Variants in MUC6 observed in about 807,000 individuals in gnomAD.
The protein encoded by MUC6 is mucin-6.
MUC6 carries 188 observed loss-of-function variants against 201.5 expected under a neutral mutation model. The observed-to-expected ratio is 0.93, with a 90% CI of 0.83 to 1.05. The LOEUF (loss-of-function observed/expected upper bound fraction) is 1.05, where lower values mean the gene tolerates loss of function less well. Among genes scored for constraint, MUC6 ranks in the 50% least tolerant of loss-of-function variants. The pLI is 0.00. For synonymous variants in MUC6, 1,228 were observed against 1,389.4 expected (o/e 0.88, Z 2.58); for missense variants, 2,706 against 3,256.9 (o/e 0.83, Z 4.12).
chr11:1,019,195 T>G, intron 30 of MUC6, 80 bp downstream of exon 30: 1 of 1,457,920 alleles, frequency 6.9e-7, no homozygotes. Context: ...GTCTTCTTTA[T>G]GGCTGAATCA....
Position 1,030,605 on chromosome 11 carries a change from G to A in MUC6, c.860C>T (p.Pro287Leu), listed in dbSNP as rs952528294. The A allele has an allele frequency of 1.2e-5, 19 of 1,531,922 alleles. No homozygotes were observed. The highest frequency in any genetic ancestry group is 1.6e-5 in the Non-Finnish European group (18 of 1,139,104). 94.9% of individuals were successfully genotyped at this position (1,531,922 alleles called of 1,614,324 possible). The part of the protein sequence containing the change: ...YSRQCSMVGQ[P>L]VRRWRSPGLC... ...GCCGGGGCTCCGCCAGCGGCGGACC[G>A]GCTGGCCCACCATGCTGCACTGGCG... Residue 287 changes from proline to leucine, a missense_variant, in exon 7 of 33, where the codon CCG becomes CTG. Pro to Leu is a moderately conservative substitution (Grantham distance 98, BLOSUM62 -3). Coordinates refer to ENST00000421673, the MANE Select transcript of MUC6 (RefSeq NM_005961.3).
chr11:1,022,834 TGAA>T (rs1414569013), intron 26 of MUC6, among the ~76,000 whole-genome samples: 1 of 150,922 alleles, frequency 6.6e-6, no homozygotes, highest in Non-Finnish European at 1.5e-5. Context: ...TAAGCAAACA[TGAA>T]TGAATGAATG....
intron 16 of MUC6, 51 bp downstream of exon 16, chr11:1,027,634 C>T: frequency 2.5e-6 from 4 of 1,575,980 alleles, no homozygotes; most frequent in Non-Finnish European, 3.4e-6. Flanking sequence ...AGGACACCCC[C>T]TCGTGAGCCC....
intron 1 of MUC6, among the ~76,000 whole-genome samples, chr11:1,034,048 C>T (rs997347861): frequency 6.6e-6 from 1 of 152,194 alleles, no homozygotes; most frequent in Non-Finnish European, 1.5e-5. Context: ...CTTGATGCTG[C>T]CCCCATTACC....
chr11:1,016,028 G>T lies in MUC6; in HGVS notation c.6773C>A (p.Thr2258Asn), dbSNP rs1856598071. ...FPSTPRTTAS[T>N]HTAPAFSSQS... Reference sequence around the variant, plus strand: ...AGAGGAGAAGGCAGGGGCGGTGTGGGTGCTGGCCGTGGTCCTGGGCGTGGA... The same window carrying T: ...AGAGGAGAAGGCAGGGGCGGTGTGGTTGCTGGCCGTGGTCCTGGGCGTGGA... The change falls in exon 31 of 33, where the codon ACC becomes AAC. Residue 2258 changes from threonine (T) to asparagine (N), a missense_variant. Transcript: ENST00000421673. The T allele has an allele frequency of 2.5e-6, 4 of 1,609,920 alleles. No individual in the cohort carries two copies. The highest frequency in any genetic ancestry group is 3.4e-6 in the Non-Finnish European group (4 of 1,177,250).
At chr11:1,026,909 G>A (rs1856972997) in intron 19 of MUC6, 32 bp downstream of exon 19, 4 of 1,514,542 alleles carry the variant, frequency 2.6e-6, no homozygotes, top group Non-Finnish European at 3.6e-6. Flanking sequence ...TGGGGCCCGG[G>A]CATTGTCCCT....
chr11:1,031,089 G>C lies in MUC6; in HGVS notation c.575-33C>G, dbSNP rs373033946. ...GCAGAATGGGGGTCAGCACCGTGGG[G>C]GCTGGGCCTCAGAGGCCCCCCTGCC... On this transcript the variant is annotated intron_variant, in intron 5 of 32. Transcript: ENST00000421673. The C allele has an allele frequency of 1.2e-5, 18 of 1,545,878 alleles. No individual in the cohort carries two copies. In the African/African-American group the frequency reaches 1.2e-4, roughly 11 times the overall value.
At position 1,033,148 on chromosome 11, in the gene MUC6, G is replaced by C; in HGVS notation, c.53-73C>G. On this transcript the variant is annotated intron_variant, in intron 1 of 32. Coordinates refer to ENST00000421673, the MANE Select transcript of MUC6 (RefSeq NM_005961.3). The surrounding 1 kb of genome is among the most constrained non-coding windows in gnomAD (Gnocchi z 5.6). ...TGAGGGCGCCGCTCACCTCTGCTCA[G>C]GGCTGCTCCGCCCGTTTCCCTGCAC... 6.9e-7 allele frequency: 1 copy of C among 1,446,390 alleles called. No homozygotes were observed. The allele number at this position is 1,446,390 out of a possible 1,614,324, so 89.6% of individuals were successfully genotyped here.
Position 1,033,047 on chromosome 11 carries a change from T to C in MUC6, c.81A>G (p.Pro27=). ...GAGAGTCCTTCAGCCTCTGGAGGCCTGGGCTGGTGTAGGAGGTGTTAGCCA... is the reference window on the plus strand; with the variant it reads ...GAGAGTCCTTCAGCCTCTGGAGGCCCGGGCTGGTGTAGGAGGTGTTAGCCA... ...AGLANTSYTS[P]GLQRLKDSPQ... is the part of the protein sequence containing the mutation. Residue 27 remains proline, a synonymous_variant, in exon 2 of 33, where the codon CCA becomes CCG. Coordinates refer to ENST00000421673, the MANE Select transcript of MUC6 (RefSeq NM_005961.3). The surrounding 1 kb of genome is among the most constrained non-coding windows in gnomAD (Gnocchi z 5.6). 4 of 1,609,852 alleles carry C rather than the reference T, an allele frequency of 2.5e-6. No individual in the cohort carries two copies. The highest frequency in any genetic ancestry group is 3.4e-6 in the Non-Finnish European group (4 of 1,176,650).
At position 1,028,698 on chromosome 11, in the gene MUC6, G is replaced by A. The variant is rs1857026013; in HGVS notation, c.1539C>T (p.Pro513=). The A allele has an allele frequency of 5.6e-6, 9 of 1,611,358 alleles. No individual in the cohort carries two copies. Among genetic ancestry groups the A allele is most frequent in the African/African-American group, 1.3e-5 (1 of 74,920 alleles). ...FGLELVVQLR[P]IFQAYVTVGP... is the part of the protein sequence containing the mutation. The stretch of plus-strand genomic sequence containing the variant: ...CAACAGTGACATAGGCCTGGAAGAT[G>A]GGGCGCAGCTGGACCACGAGCTCCA... Residue 513 remains proline (P), a synonymous_variant, in exon 13 of 33, where the codon CCC becomes CCT. Transcript: ENST00000421673.
At chr11:1,018,852 T>G (rs1856745239) in intron 30 of MUC6, 82 bp from the exon 31 acceptor site, 1 of 1,495,198 alleles carries the variant, frequency 6.7e-7, no homozygotes, top group African/African-American at 1.4e-5. Flanking sequence ...TTTGTCTATG[T>G]GACCTTTTTC....
At position 1,013,880 on chromosome 11, in the gene MUC6, C is replaced by T; in HGVS notation, c.7142+19G>A. ...GCACCTTGGTGGACGTGGGGCAGGC[C>T]TCCCACCTGTGGACTCACCTGGCAG... On this transcript the variant is annotated intron_variant, in intron 32 of 32. Coordinates refer to ENST00000421673, the MANE Select transcript of MUC6 (RefSeq NM_005961.3). The T allele has an allele frequency of 6.3e-7, 1 of 1,591,940 alleles. No homozygotes were observed. The highest frequency in any genetic ancestry group is 8.5e-7 in the Non-Finnish European group (1 of 1,170,822).
chr11:1,013,969 TCTC>T lies in MUC6; in HGVS notation c.7069_7071del (p.Glu2357del), dbSNP rs766760246. 33 of 1,609,044 alleles carry T rather than the reference TCTC, an allele frequency of 2.1e-5. No individual in the cohort carries two copies. The highest frequency in any genetic ancestry group is 1.7e-4 in the Middle Eastern group (1 of 6,056). ...TTCGCCATGCACCCCTTGAACGTGA[TCTC>T]CTCCTGCTGCTCCCGCACACTGCAG... On this transcript the variant is annotated inframe_deletion, in exon 32 of 33. Transcript: ENST00000421673.
intron 29 of MUC6, 112 bp from the exon 30 acceptor site, chr11:1,019,608 C>T (rs1421115381): frequency 1.0e-6 from 1 of 984,082 alleles, no homozygotes; most frequent in Non-Finnish European, 1.6e-6. Flanking sequence ...GTCCGGGACT[C>T]AGCCTCCTTG....
At position 1,013,504 on chromosome 11, in the gene MUC6, C is replaced by T. The variant is rs1385839135; in HGVS notation, c.7272G>A (p.Leu2424=). The part of the protein sequence containing the change: ...STPGRRLVLT[L]QVFSHCVCSS... ...TGCACACGCAGTGGCTGAACACCTGCAGGGTGAGTACGAGCCGCCGGCCAG... is the reference window on the plus strand; with the variant it reads ...TGCACACGCAGTGGCTGAACACCTGTAGGGTGAGTACGAGCCGCCGGCCAG... Residue 2424 remains leucine (L), a synonymous_variant, in exon 33 of 33, where the codon CTG becomes CTA. Transcript: ENST00000421673. The T allele has an allele frequency of 1.9e-6, 3 of 1,583,508 alleles. No homozygotes were observed. The highest frequency in any genetic ancestry group is 2.6e-6 in the Non-Finnish European group (3 of 1,166,522).
At chr11:1,022,294 C>T (rs1404310071) in intron 26 of MUC6, among the ~76,000 whole-genome samples, 2 of 148,840 alleles carry the variant, frequency 1.3e-5, no homozygotes, top group Non-Finnish European at 3.0e-5. Flanking sequence ...TCTACAGCCC[C>T]GCGCCCCTCA....
At chr11:1,019,540 G>T in intron 29 of MUC6, 44 bp from the exon 30 acceptor site, 2 of 1,543,598 alleles carry the variant, frequency 1.3e-6, no homozygotes, top group Non-Finnish European at 8.9e-7. Context: ...CTGTGGGCCT[G>T]CATTTCGAAG....
chr11:1,031,161 C>G lies in MUC6; in HGVS notation c.574+8G>C. 1 of 1,547,848 alleles carries G rather than the reference C, an allele frequency of 6.5e-7. No individual in the cohort carries two copies. The highest frequency in any genetic ancestry group is 2.5e-5 in the East Asian group (1 of 40,700). ...CCCCAGAGGCCCCCCAGCCCTGCCC[C>G]CACCTACCCTCCTCACTGACAAACT... On this transcript the variant is annotated splice_region_variant and intron_variant, in intron 5 of 32. Transcript: ENST00000421673.
chr11:1,029,622 G>A lies in MUC6; in HGVS notation c.1016-7C>T. ...AGGTCATTCAGGACCGTACCTGCAG[G>A]AGAGGGTCTTCTTGGGGCTTGGGTG... On this transcript the variant is annotated splice_region_variant and splice_polypyrimidine_tract_variant and intron_variant, in intron 8 of 32. Coordinates refer to ENST00000421673, the MANE Select transcript of MUC6 (RefSeq NM_005961.3). The A allele has an allele frequency of 6.4e-7, 1 of 1,569,080 alleles. No individual in the cohort carries two copies. Among genetic ancestry groups the A allele is most frequent in the Non-Finnish European group, 8.7e-7 (1 of 1,153,546 alleles).
Sources: gnomAD v4.1 joint callset for allele counts (sites outside exome capture counted in the v4.1 genomes callset) on GRCh38, gnomAD v4.1.1 for gene constraint, Gnocchi (gnomAD v3.1) non-coding constraint, MANE v1.5 for transcripts, NCBI Gene and HGNC (gene_info 2026-07-23, HGNC 2026-07-21) for gene names.